The following PLCB2 variants were observed in gnomAD, a reference collection of about 807,000 sequenced individuals.
PLCB2 encodes the protein phospholipase C beta 2, also known as 1-phosphatidylinositol 4,5-bisphosphate phosphodiesterase beta-2.
A neutral mutation model predicts 141.7 loss-of-function variants in PLCB2; 115 were observed. The observed-to-expected ratio is 0.81, with a 90% CI of 0.70 to 0.95. The LOEUF (loss-of-function observed/expected upper bound fraction) is 0.95, where lower values mean the gene tolerates loss of function less well. Ranked by LOEUF, PLCB2 falls within the 40% of genes least tolerant of loss-of-function variation. PLCB2 has a pLI of 0.00. For synonymous variants in PLCB2, 603 were observed against 595.6 expected, an observed-to-expected ratio of 1.01 and a Z score of -0.18; for missense variants, 1,403 against 1,541.1, an observed-to-expected ratio of 0.91 and a Z score of 1.50.
chr15:40,301,840 G>T, intron 7 of PLCB2, 117 bp downstream of exon 7: 1 of 890,480 alleles, frequency 1.1e-6, no homozygotes, highest in Non-Finnish European at 1.8e-6. Context: ...TGGCTCTCCA[G>T]GCTCTTGGCT....
intron 22 of PLCB2, 84 bp from the exon 23 acceptor site, chr15:40,292,242 GC>G (rs2039979162): frequency 2.0e-5 from 30 of 1,485,590 alleles, no homozygotes; most frequent in Non-Finnish European, 2.8e-5. Flanking sequence ...ACTCCAGGAT[GC>G]CCCATCTGGA....
chr15:40,291,606 C>G lies in PLCB2; in HGVS notation c.2647G>C (p.Glu883Gln), dbSNP rs2039933080. 1.2e-6 allele frequency: 2 copies of G among 1,613,458 alleles called. No individual in the cohort carries two copies. The highest frequency in any genetic ancestry group is 1.7e-6 in the Non-Finnish European group (2 of 1,179,882). ...AREEAMKEAAEPRTASLEELR... is the reference protein window; with the variant it reads ...AREEAMKEAAQPRTASLEELR... ...GATCACCGGGCTCAGCAGGCCTTACCCGCAGCTTCTTTCATAGCCTCTTCC... is the reference window on the plus strand; with the variant it reads ...GATCACCGGGCTCAGCAGGCCTTACGCGCAGCTTCTTTCATAGCCTCTTCC... The change falls in exon 25 of 32, where the codon GAG (glutamate) becomes CAG (glutamine). Residue 883 changes from glutamate to glutamine, a missense_variant and splice_region_variant. Transcript: ENST00000260402.
chr15:40,289,672 C>T (rs2039746990), intron 30 of PLCB2: 6 of 514,456 alleles, frequency 1.2e-5, no homozygotes, highest in Non-Finnish European at 2.1e-5. Flanking sequence ...CCTCAGGAAG[C>T]TTCCTCACTC....
downstream of PLCB2, among the ~76,000 whole-genome samples, chr15:40,285,222 T>A (rs890521708): frequency 6.6e-6 from 1 of 152,238 alleles, no homozygotes; most frequent in African/African-American, 2.4e-5. Context: ...CTGCATCCAC[T>A]ACGAAGCCCC....
At chr15:40,301,194 T>G in intron 7 of PLCB2, 1 of 198,784 alleles carries the variant, frequency 5.0e-6, no homozygotes. Context: ...TGTGGGCAGG[T>G]GATCAATGGG....
intron 16 of PLCB2, 130 bp downstream of exon 16, chr15:40,296,166 A>G: frequency 3.0e-6 from 2 of 665,264 alleles, no homozygotes; most frequent in Non-Finnish European, 5.2e-6. Context: ...AGAAACTGGG[A>G]GCCACTGCCA....
Position 40,293,636 on chromosome 15 carries a change from C to T in PLCB2, c.2150G>A (p.Arg717His), listed in dbSNP as rs755626117. ...ACTGGGTGACAGCTTAGTTCGATAG[C>T]GCCTCTTGGGGTCCCCAGGAAGGCC... ...LFGLPGDPKR[R>H]YRTKLSPSTN... The change falls in exon 20 of 32, where the codon CGC becomes CAC. Residue 717 changes from arginine (R) to histidine (H), a missense_variant. Arg to His is a conservative substitution (Grantham distance 29, BLOSUM62 0). This residue lies in a region of PLCB2 where 975 missense variants were observed against 1,141.1 expected (regional missense o/e 0.85). Transcript: ENST00000260402. 19 of 1,613,986 alleles carry T rather than the reference C, an allele frequency of 1.2e-5. No individual in the cohort carries two copies. The highest frequency in any genetic ancestry group is 1.7e-5 in the Admixed American group (1 of 60,000).
At chr15:40,284,725 T>C (rs1344846725), downstream of PLCB2, among the ~76,000 whole-genome samples, 1 of 149,634 alleles carries the variant, frequency 6.7e-6, no homozygotes, top group East Asian at 2.0e-4. Flanking sequence ...CTGTAGTCCC[T>C]GCTACTTGGG....
Position 40,290,800 on chromosome 15 carries a change from T to C in PLCB2, c.3074A>G (p.Gln1025Arg). The C allele has an allele frequency of 1.2e-6, 2 of 1,613,622 alleles. No individual in the cohort carries two copies. The highest frequency in any genetic ancestry group is 1.7e-6 in the Non-Finnish European group (2 of 1,179,930). The change falls in exon 28 of 32, where the codon CAG becomes CGG. Residue 1025 changes from glutamine to arginine, a missense_variant. Physicochemically the swap from Gln to Arg is conservative, Grantham distance 43. Around this residue, in one of 4 missense-constraint regions of PLCB2, gnomAD observed 290 missense variants for 245.9 expected, o/e 1.18. Transcript: ENST00000260402. ...SKMMELAREK[Q>R]AAELKALKET... The stretch of plus-strand genomic sequence containing the variant: ...CTTCAGGGCCTTCAGCTCTGCCGCC[T>C]GTTTCTCTCTGGCCAGCTCCATCAT...
intron 7 of PLCB2, chr15:40,301,092 C>T (rs368514553): frequency 1.7e-4 from 27 of 159,398 alleles, no homozygotes; most frequent in Admixed American, 4.2e-4. Context: ...CTCTCCCCAA[C>T]GCCACATTTG....
At chr15:40,300,693 C>A (rs1271445517) in intron 7 of PLCB2, 1 of 152,178 alleles carries the variant, frequency 6.6e-6, no homozygotes, top group Non-Finnish European at 1.5e-5. Context: ...TTTACTTTAC[C>A]ACCAGAATAG....
rs373846576 is a variant in PLCB2 at position 40,291,627 on chromosome 15, C to G, written c.2626G>C (p.Glu876Gln). The change falls in exon 25 of 32, where the codon GAG becomes CAG. Residue 876 changes from glutamate (E) to glutamine (Q), a missense_variant. Transcript: ENST00000260402. ...TTACCCGCAGCTTCTTTCATAGCCT[C>G]TTCCCTGGCCCCGGCCCTGGCTGCT... ...SPAARAGAREEAMKEAAEPRT... is the reference protein window; with the variant it reads ...SPAARAGAREQAMKEAAEPRT... 5 of 1,613,308 alleles carry G rather than the reference C, an allele frequency of 3.1e-6. No individual in the cohort carries two copies. The highest frequency in any genetic ancestry group is 4.2e-6 in the Non-Finnish European group (5 of 1,179,908).
intron 1 of PLCB2, among the ~76,000 whole-genome samples, chr15:40,305,590 G>A (rs1048041137): frequency 4.6e-5 from 7 of 152,336 alleles, no homozygotes; most frequent in South Asian, 2.1e-4. Context: ...GGAAGCTGAA[G>A]GTGGTAAGAA....
At chr15:40,295,096 T>A in intron 17 of PLCB2, 36 bp from the exon 18 acceptor site, 1 of 1,609,568 alleles carries the variant, frequency 6.2e-7, no homozygotes, top group Non-Finnish European at 8.5e-7. Context: ...CAAGGCCATC[T>A]GCACCAGGAG....
At chr15:40,303,214 C>T in intron 3 of PLCB2, 74 bp downstream of exon 3, 3 of 1,129,534 alleles carry the variant, frequency 2.7e-6, no homozygotes, top group Non-Finnish European at 4.1e-6. Context: ...TTCCCACCCG[C>T]ACAGGGACCC....
In PLCB2 at chr15:40,291,614, T is replaced by G. The variant is rs557788617; in HGVS notation, c.2639A>C (p.Glu880Ala). The change falls in exon 25 of 32, where the codon GAA (glutamate) becomes GCA (alanine). Residue 880 changes from glutamate (E) to alanine (A), a missense_variant. By Grantham distance (107) the Glu-to-Ala change is moderately radical. Around this residue, in one of 4 missense-constraint regions of PLCB2, gnomAD observed 975 missense variants for 1,141.1 expected, o/e 0.85. Transcript: ENST00000260402. ...GGCTCAGCAGGCCTTACCCGCAGCT[T>G]CTTTCATAGCCTCTTCCCTGGCCCC... The part of the protein sequence containing the change: ...RAGAREEAMK[E>A]AAEPRTASLE... The G allele has an allele frequency of 6.2e-7, 1 of 1,613,398 alleles. No individual in the cohort carries two copies. The highest frequency in any genetic ancestry group is 2.2e-5 in the East Asian group (1 of 44,854).
rs1367070111 is a variant in PLCB2 at position 40,292,936 on chromosome 15, G to A, written c.2316C>T (p.Ala772=). 6.9e-6 allele frequency: 11 copies of A among 1,601,192 alleles called. No homozygotes were observed. The highest frequency in any genetic ancestry group is 9.4e-6 in the Non-Finnish European group (11 of 1,171,364). Reference sequence around the variant, plus strand: ...GACCCCACTCCTTACCAGAATTTAGGGCATTGATGGGGATGATGCGGTGTC... The same window carrying A: ...GACCCCACTCCTTACCAGAATTTAGAGCATTGATGGGGATGATGCGGTGTC... ...FLGHRIIPIN[A]LNSGYHHLCL... is the part of the protein sequence containing the mutation. The change falls in exon 21 of 32, where the codon GCC becomes GCT. Residue 772 remains alanine (A), a synonymous_variant. Transcript: ENST00000260402.
In PLCB2 at chr15:40,290,648, C is replaced by A. The variant is rs574409813; in HGVS notation, c.3138G>T (p.Lys1046Asn). The A allele has an allele frequency of 6.2e-7, 1 of 1,614,098 alleles. No homozygotes were observed. The highest frequency in any genetic ancestry group is 1.1e-5 in the South Asian group (1 of 91,080). ...SENDTKEMKK[K>N]LETKRLERIQ... ...TCCGCTCCAGTCTCTTTGTCTCCAG[C>A]TTTTTCTTCATCTCTTTGGTGTCGC... The change falls in exon 29 of 32, where the codon AAG becomes AAT. Residue 1046 changes from lysine (K) to asparagine (N), a missense_variant. Around this residue, in one of 4 missense-constraint regions of PLCB2, gnomAD observed 290 missense variants for 245.9 expected, o/e 1.18. Coordinates refer to ENST00000260402, the MANE Select transcript of PLCB2 (RefSeq NM_004573.3).
At position 40,291,181 on chromosome 15, in the gene PLCB2, C is replaced by G; in HGVS notation, c.2873G>C (p.Ser958Thr). The G allele has an allele frequency of 1.9e-6, 3 of 1,571,582 alleles. No homozygotes were observed. Among genetic ancestry groups the G allele is most frequent in the Non-Finnish European group, 2.6e-6 (3 of 1,166,626 alleles). ...TCCGGCGCTCTCCTCGCGGGGCAGGCTCCTGGGGAGGCCACGTGGGGACAG... is the reference window on the plus strand; with the variant it reads ...TCCGGCGCTCTCCTCGCGGGGCAGGGTCCTGGGGAGGCCACGTGGGGACAG... ...GPGKGSRKKR[S>T]LPREESAGAA... Residue 958 changes from serine (S) to threonine (T), a missense_variant and splice_region_variant, in exon 27 of 32, where the codon AGC (serine) becomes ACC (threonine). Physicochemically the swap from Ser to Thr is moderately conservative, Grantham distance 58. Transcript: ENST00000260402.
Sources: allele counts gnomAD v4.1 joint callset (sites outside exome capture counted in the v4.1 genomes callset), GRCh38; gene constraint gnomAD v4.1.1; regional missense constraint gnomAD v4.1.1; transcripts MANE v1.5; gene names NCBI Gene and HGNC (gene_info 2026-07-23, HGNC 2026-07-21).